FNDC3B: variants seen among roughly 807,000 people sequenced by gnomAD.
FNDC3B encodes the protein fibronectin type III domain containing 3B.
Under a neutral mutation model 151.5 loss-of-function variants are expected in FNDC3B, and 12 were observed. That is an observed-to-expected ratio of 0.08 (90% CI 0.05 to 0.13). The LOEUF (loss-of-function observed/expected upper bound fraction) is 0.13. Ranked by LOEUF, FNDC3B falls within the 10% of genes least tolerant of loss-of-function variation. The probability of loss-of-function intolerance (pLI) is 1.00; values close to 1 mark genes in which losing one functional copy is unlikely to be tolerated. For synonymous variants in FNDC3B, 528 were observed against 549.0 expected (o/e 0.96, Z 0.54); for missense variants, 1,214 against 1,505.3 (o/e 0.81, Z 3.20).
At chr3:172,176,621 G>C (rs774065835) in intron 3 of FNDC3B, among the ~76,000 whole-genome samples, 2 of 152,188 alleles carry the variant, frequency 1.3e-5, no homozygotes, top group Non-Finnish European at 2.9e-5. Flanking sequence ...GACAATGGTC[G>C]AATGAGATAA....
At chr3:172,119,000 C>G (rs1720402595) in intron 2 of FNDC3B, among the ~76,000 whole-genome samples, 1 of 151,622 alleles carries the variant, frequency 6.6e-6, no homozygotes, top group Admixed American at 6.6e-5. Context: ...AACCCCGTCT[C>G]TACTAAAAAT....
intron 3 of FNDC3B, among the ~76,000 whole-genome samples, chr3:172,200,703 A>G (rs1012805737): frequency 1.3e-5 from 2 of 152,218 alleles, no homozygotes; most frequent in African/African-American, 4.8e-5. Flanking sequence ...TGCTGGGTTT[A>G]TCAGAATGTA....
At chr3:172,065,049 A>G (rs116702963) in intron 1 of FNDC3B, among the ~76,000 whole-genome samples, 2,330 of 152,246 alleles carry the variant, frequency 0.015, 65 homozygotes, top group African/African-American at 0.052. Context: ...AATTTCTGGT[A>G]GAGGCCTGGT....
At chr3:172,332,206 G>A (rs918706740) in intron 13 of FNDC3B, among the ~76,000 whole-genome samples, 1 of 151,670 alleles carries the variant, frequency 6.6e-6, no homozygotes, top group African/African-American at 2.4e-5. Flanking sequence ...CCAACCTCAG[G>A]TGATCTGCCC....
In FNDC3B at chr3:172,112,534, C is replaced by T. The variant is rs770792720; in HGVS notation, c.55C>T (p.Leu19=). ...AATCCCTCTGGAACTGCCACCATTG[C>T]TGAACGGAGAGGTAGCCATGATGCC... The part of the protein sequence containing the change: ...DQIPLELPPL[L]NGEVAMMPHL... The change falls in exon 2 of 26, where the codon CTG becomes TTG. Residue 19 remains leucine (L), a synonymous_variant. Transcript: ENST00000415807. The T allele has an allele frequency of 6.2e-7, 1 of 1,614,162 alleles. No homozygotes were observed. The highest frequency in any genetic ancestry group is 8.5e-7 in the Non-Finnish European group (1 of 1,179,992).
At chr3:172,056,850 G>A (rs540098089) in intron 1 of FNDC3B, among the ~76,000 whole-genome samples, 12 of 152,186 alleles carry the variant, frequency 7.9e-5, no homozygotes, top group East Asian at 1.9e-4. Flanking sequence ...GGCTCCTTGA[G>A]TGTCTCTGTT....
In FNDC3B at chr3:172,080,443, A is replaced by ATTT. The variant is rs1553758865; in HGVS notation, c.-28-31998_-28-31996dup. The stretch of plus-strand genomic sequence containing the variant: ...GTATTACCATGCCTGGCTAATTTAA[A>ATTT]TTTTTTTTTTTTTCTAGAGATGAAG... On this transcript the variant is annotated intron_variant, in intron 1 of 25. Transcript: ENST00000415807. Among the ~76,000 whole-genome samples, 3 of 149,342 alleles carry ATTT rather than the reference A, an allele frequency of 2.0e-5. No homozygotes were observed. In the East Asian group the frequency reaches 5.9e-4, roughly 29 times the overall value.
At chr3:172,071,191 C>A (rs190687399) in intron 1 of FNDC3B, among the ~76,000 whole-genome samples, 2 of 152,122 alleles carry the variant, frequency 1.3e-5, no homozygotes, top group African/African-American at 4.8e-5. Flanking sequence ...CACTGTTCTT[C>A]AGTTTTATGT....
chr3:172,209,667 G>C (rs1725626652), intron 3 of FNDC3B, among the ~76,000 whole-genome samples: 1 of 152,226 alleles, frequency 6.6e-6, no homozygotes, highest in Non-Finnish European at 1.5e-5. Context: ...ACTCCACCCA[G>C]AACTGGCAGC....
intron 1 of FNDC3B, among the ~76,000 whole-genome samples, chr3:172,048,237 T>A (rs556865247): frequency 6.6e-6 from 1 of 152,336 alleles, no homozygotes; most frequent in Non-Finnish European, 1.5e-5. Context: ...TTAATGTATT[T>A]CTAGGATATT....
intron 11 of FNDC3B, among the ~76,000 whole-genome samples, chr3:172,314,769 T>C (rs1030554175): frequency 2.0e-5 from 3 of 152,204 alleles, no homozygotes; most frequent in African/African-American, 7.2e-5. Flanking sequence ...CATGGGAAGA[T>C]CCACCTTAAT....
chr3:172,330,470 G>A (rs1732588149), intron 12 of FNDC3B, 71 bp from the exon 13 acceptor site: 2 of 1,392,262 alleles, frequency 1.4e-6, no homozygotes, highest in Non-Finnish European at 2.0e-6. Flanking sequence ...TGCAGGCTGA[G>A]CCTTCCTCTT....
At chr3:172,225,931 C>CA (rs1184414233) in intron 3 of FNDC3B, 1 of 152,176 alleles carries the variant, frequency 6.6e-6, no homozygotes, top group East Asian at 1.9e-4. Context: ...TATTTTGAAA[C>CA]AAATTTCTTG....
At chr3:172,229,886 A>C (rs990363457) in intron 4 of FNDC3B, among the ~76,000 whole-genome samples, 9 of 152,216 alleles carry the variant, frequency 5.9e-5, no homozygotes, top group South Asian at 2.1e-4. Flanking sequence ...AAGAGAGAGG[A>C]ACACCAAGAC....
At position 172,156,694 on chromosome 3, in the gene FNDC3B, GTT is replaced by G. The variant is rs66890930; in HGVS notation, c.187+23165_187+23166del. Among the ~76,000 whole-genome samples, 642 of 141,826 alleles carry G rather than the reference GTT, an allele frequency of 4.5e-3. 2 individuals are homozygous for G. Among genetic ancestry groups the G allele is most frequent in the Non-Finnish European group, 6.2e-3 (404 of 64,682 alleles). 93.0% of individuals were successfully genotyped at this position (141,826 alleles called of 152,430 possible). On this transcript the variant is annotated intron_variant, in intron 3 of 25. Coordinates refer to ENST00000415807, the MANE Select transcript of FNDC3B (RefSeq NM_022763.4). ...AAAGTGGCTAGTGCTGAGTTTTGAA[GTT>G]TTTTTTTTTTTTTTTTCCCCACTGT...
chr3:172,092,825 A>G (rs561980626), intron 1 of FNDC3B, among the ~76,000 whole-genome samples: 18 of 152,220 alleles, frequency 1.2e-4, no homozygotes, highest in African/African-American at 4.3e-4. Context: ...TGTTTTGTTT[A>G]TACAGTGTCT....
chr3:172,075,724 AACACACAC>A (rs57920659), intron 1 of FNDC3B, among the ~76,000 whole-genome samples: 13,723 of 146,866 alleles, frequency 0.093, 761 homozygotes, highest in Admixed American at 0.15. Flanking sequence ...TAGCCCAGTA[AACACACAC>A]ACACACACAC....
At chr3:172,313,024 C>G (rs1204195126) in intron 11 of FNDC3B, among the ~76,000 whole-genome samples, 1 of 152,160 alleles carries the variant, frequency 6.6e-6, no homozygotes, top group Non-Finnish European at 1.5e-5. Flanking sequence ...TACTTGATCT[C>G]CTTCCAGCTT....
At chr3:172,276,002 G>C (rs559419208) in intron 6 of FNDC3B, among the ~76,000 whole-genome samples, 1 of 152,112 alleles carries the variant, frequency 6.6e-6, no homozygotes, top group African/African-American at 2.4e-5. Flanking sequence ...TATTTTAAAA[G>C]ATCATTTTAA....
Sources: allele counts gnomAD v4.1 joint callset (sites outside exome capture counted in the v4.1 genomes callset), GRCh38; gene constraint gnomAD v4.1.1; transcripts MANE v1.5; gene names NCBI Gene and HGNC (gene_info 2026-07-23, HGNC 2026-07-21).